Variants in BBS9 observed in about 807,000 individuals in gnomAD.
BBS9 encodes Bardet-Biedl syndrome 9.
BBS9 carries 89 observed loss-of-function variants against 117.7 expected under a neutral mutation model. The observed-to-expected ratio is 0.76, with a 90% CI of 0.64 to 0.90. The LOEUF (loss-of-function observed/expected upper bound fraction) is 0.90. BBS9 is among the 40% of genes least tolerant of loss of function. The pLI, the probability that BBS9 is intolerant of heterozygous loss-of-function variation, is 0.00. For missense variants in BBS9, 982 were observed against 1,042.2 expected (o/e 0.94, Z 0.80); for synonymous variants, 379 against 370.9 (o/e 1.02, Z -0.25).
At chr7:33,230,302 G>A (rs539826082) in intron 5 of BBS9, among the ~76,000 whole-genome samples, 1 of 152,184 alleles carries the variant, frequency 6.6e-6, no homozygotes, top group African/African-American at 2.4e-5. Context: ...CTCTTTTGGT[G>A]TGATTTCCAA....
rs1407304058 is a variant in BBS9, at chr7:33,605,083, A to G, written c.2632+108A>G. On this transcript the variant is annotated intron_variant, in intron 22 of 22. Coordinates refer to ENST00000242067, the MANE Select transcript of BBS9 (RefSeq NM_198428.3). Reference sequence around the variant, plus strand: ...ATTCCGCAAAGCTGCTTGTTTTCCAATTTCTTCATTCTTCCCCTTAGCACT... The same window carrying G: ...ATTCCGCAAAGCTGCTTGTTTTCCAGTTTCTTCATTCTTCCCCTTAGCACT... 20 of 1,466,330 alleles carry G rather than the reference A, an allele frequency of 1.4e-5. No homozygotes were observed. The highest frequency in any genetic ancestry group is 1.7e-5 in the Non-Finnish European group (18 of 1,046,286). The allele number at this position is 1,466,330 out of a possible 1,614,324, so 90.8% of individuals were successfully genotyped here.
At chr7:33,625,979 A>T (rs1401683888) in intron 21 of BBS9, among the ~76,000 whole-genome samples, 1 of 152,198 alleles carries the variant, frequency 6.6e-6, no homozygotes, top group Non-Finnish European at 1.5e-5. Flanking sequence ...ATGAATATGT[A>T]TCCATTTTGG....
chr7:33,419,876 T>C (rs1349077895), intron 19 of BBS9, among the ~76,000 whole-genome samples: 1 of 152,120 alleles, frequency 6.6e-6, no homozygotes, highest in Middle Eastern at 3.2e-3. Flanking sequence ...AGTTTACATC[T>C]TTATGTCACA....
chr7:33,351,174 T>G (rs1818576210), intron 13 of BBS9, 45 bp from the exon 14 acceptor site: 1 of 1,321,480 alleles, frequency 7.6e-7, no homozygotes. Context: ...TTAATAACAG[T>G]TGCCCCAAAT....
At chr7:33,186,479 C>A (rs1285349802) in intron 5 of BBS9, among the ~76,000 whole-genome samples, 1 of 152,172 alleles carries the variant, frequency 6.6e-6, no homozygotes, top group Non-Finnish European at 1.5e-5. Context: ...TCAGAAAAAA[C>A]TTTCCTATCA....
chr7:33,543,079 A>G (rs1180373477), intron 21 of BBS9, among the ~76,000 whole-genome samples: 1 of 152,110 alleles, frequency 6.6e-6, no homozygotes, highest in African/African-American at 2.4e-5. Flanking sequence ...TCCCACCAGC[A>G]GTGTAGAAGT....
chr7:33,143,524 G>A (rs1791856447), intron 1 of BBS9, among the ~76,000 whole-genome samples: 1 of 151,836 alleles, frequency 6.6e-6, no homozygotes. Flanking sequence ...CAAAATTAGT[G>A]ATTTTGAGCA....
intron 9 of BBS9, among the ~76,000 whole-genome samples, chr7:33,313,358 T>G (rs1809729225): frequency 6.6e-6 from 1 of 152,212 alleles, no homozygotes; most frequent in Non-Finnish European, 1.5e-5. Flanking sequence ...TTTTCATTAA[T>G]GAAAGAAGTT....
At chr7:33,463,414 A>G (rs1017880452) in intron 19 of BBS9, among the ~76,000 whole-genome samples, 55 of 151,204 alleles carry the variant, frequency 3.6e-4, no homozygotes, top group African/African-American at 1.3e-3. Context: ...AACTTGTGAA[A>G]GAAAAAAAAA....
chr7:33,448,222 C>T (rs1435389472), intron 19 of BBS9, among the ~76,000 whole-genome samples: 1 of 152,148 alleles, frequency 6.6e-6, no homozygotes, highest in East Asian at 1.9e-4. Flanking sequence ...CTGATTTCAG[C>T]TCTGTTCAGA....
chr7:33,610,380 A>G (rs1864795159), downstream of BBS9, among the ~76,000 whole-genome samples: 2 of 152,106 alleles, frequency 1.3e-5, no homozygotes, highest in Middle Eastern at 3.2e-3. Flanking sequence ...GAAGCTGGGA[A>G]GTCCAAGATC....
chr7:33,575,644 G>A (rs551302899), intron 21 of BBS9, among the ~76,000 whole-genome samples: 1 of 152,154 alleles, frequency 6.6e-6, no homozygotes, highest in African/African-American at 2.4e-5. Context: ...GAACATCGAT[G>A]TGAAAATCCT....
chr7:33,567,729 C>T (rs773672186), intron 21 of BBS9, among the ~76,000 whole-genome samples: 5 of 152,180 alleles, frequency 3.3e-5, no homozygotes, highest in Non-Finnish European at 7.3e-5. Context: ...ACCTTTTCCA[C>T]TTAAATGTGA....
chr7:33,567,340 T>C (rs185074268), intron 21 of BBS9, among the ~76,000 whole-genome samples: 57 of 152,336 alleles, frequency 3.7e-4, no homozygotes, highest in African/African-American at 1.2e-3. Flanking sequence ...TCTCAGTAGC[T>C]GTTGCTATTT....
chr7:33,541,372 A>G (rs1053932125), intron 21 of BBS9, among the ~76,000 whole-genome samples: 5 of 152,102 alleles, frequency 3.3e-5, no homozygotes, highest in African/African-American at 1.2e-4. Flanking sequence ...CATGGCCCAC[A>G]CTGCTATTTC....
chr7:33,376,328 A>C (rs181550845), intron 17 of BBS9, among the ~76,000 whole-genome samples: 1 of 152,240 alleles, frequency 6.6e-6, no homozygotes, highest in East Asian at 1.9e-4. Context: ...TTTGCTAGGA[A>C]TATTGGCCAC....
chr7:33,276,519 G>A (rs1800794182), intron 9 of BBS9, among the ~76,000 whole-genome samples: 1 of 152,182 alleles, frequency 6.6e-6, no homozygotes, highest in African/African-American at 2.4e-5. Context: ...AAAGGTAAGG[G>A]AGCTTCCAGT....
intron 20 of BBS9, among the ~76,000 whole-genome samples, chr7:33,528,486 G>C: frequency 6.6e-6 from 1 of 151,970 alleles, no homozygotes; most frequent in African/African-American, 2.4e-5. Context: ...ACATAGGTTT[G>C]TAGGAGTTTA....
chr7:33,402,071 G>T lies in BBS9; in HGVS notation c.2115+13927G>T, dbSNP rs74552042. On this transcript the variant is annotated intron_variant, in intron 19 of 22. Transcript: ENST00000242067. Reference sequence around the variant, plus strand: ...AAATCCAGGCCATGGTCCCAAGGAAGCCCACAGGTCCTGGTCCTTATGGTC... The same window carrying T: ...AAATCCAGGCCATGGTCCCAAGGAATCCCACAGGTCCTGGTCCTTATGGTC... Among the ~76,000 whole-genome samples, 3,005 of 152,232 alleles carry T rather than the reference G, an allele frequency of 0.02. 204 individuals are homozygous for T. The East Asian group carries it at 0.26, about 13-fold the overall frequency.
Sources: allele counts gnomAD v4.1 joint callset (sites outside exome capture counted in the v4.1 genomes callset), GRCh38; gene constraint gnomAD v4.1.1; transcripts MANE v1.5; gene names NCBI Gene and HGNC (gene_info 2026-07-23, HGNC 2026-07-21).